The following PHLDB2 variants were observed in gnomAD, a reference collection of about 807,000 sequenced individuals.
PHLDB2 encodes the protein pleckstrin homology like domain family B member 2.
Under a neutral mutation model 123.6 loss-of-function variants are expected in PHLDB2, and 71 were observed. The observed-to-expected ratio is 0.57, with a 90% CI of 0.47 to 0.70. The LOEUF (loss-of-function observed/expected upper bound fraction) is 0.70. Among genes scored for constraint, PHLDB2 ranks in the 30% least tolerant of loss-of-function variants. The pLI, the probability that PHLDB2 is intolerant of heterozygous loss-of-function variation, is 0.00. For synonymous variants in PHLDB2, 547 were observed against 541.6 expected, an observed-to-expected ratio of 1.01 and a Z score of -0.14; for missense variants, 1,446 against 1,519.5, an observed-to-expected ratio of 0.95 and a Z score of 0.80.
chr3:111,753,347 G>A (rs1270205593), intron 1 of PHLDB2, among the ~76,000 whole-genome samples: 2 of 150,538 alleles, frequency 1.3e-5, no homozygotes, highest in Non-Finnish European at 3.0e-5. Context: ...CATTCTAACT[G>A]GTGTGAGATG....
intron 5 of PHLDB2, 53 bp from the exon 6 acceptor site, chr3:111,932,216 G>C (rs556561495): frequency 6.5e-7 from 1 of 1,534,432 alleles, no homozygotes; most frequent in South Asian, 1.2e-5. Context: ...ACTAGCACCT[G>C]CTTGGGGGTG....
intron 1 of PHLDB2, among the ~76,000 whole-genome samples, chr3:111,739,422 C>T (rs1407629585): frequency 6.6e-6 from 1 of 151,976 alleles, no homozygotes; most frequent in Non-Finnish European, 1.5e-5. Context: ...TATAAATAAA[C>T]GGAAGCCCTT....
intron 1 of PHLDB2, among the ~76,000 whole-genome samples, chr3:111,786,915 C>G (rs2060700757): frequency 6.6e-6 from 1 of 152,084 alleles, no homozygotes; most frequent in African/African-American, 2.4e-5. Flanking sequence ...GTGACTTGTC[C>G]TATTGAGAGC....
intron 1 of PHLDB2, among the ~76,000 whole-genome samples, chr3:111,744,852 G>A (rs1397182791): frequency 6.6e-6 from 1 of 152,152 alleles, no homozygotes; most frequent in Non-Finnish European, 1.5e-5. Flanking sequence ...TATACCACCT[G>A]ACACACAGTA....
chr3:111,913,303 C>G lies in PHLDB2; in HGVS notation c.1336-16C>G. ...CTCACAAACCCACTGACCTCCCCCT[C>G]CTCCCTGTGTTCCAGGAGAGACAGC... On this transcript the variant is annotated splice_polypyrimidine_tract_variant and intron_variant, in intron 2 of 17. Coordinates refer to ENST00000431670, the MANE Select transcript of PHLDB2 (RefSeq NM_001134438.2). 6.4e-7 allele frequency: 1 copy of G among 1,562,796 alleles called. No individual in the cohort carries two copies. Among genetic ancestry groups the G allele is most frequent in the Non-Finnish European group, 8.6e-7 (1 of 1,157,356 alleles).
At chr3:111,834,579 G>A (rs2063315360) in intron 1 of PHLDB2, among the ~76,000 whole-genome samples, 1 of 151,554 alleles carries the variant, frequency 6.6e-6, no homozygotes, top group African/African-American at 2.4e-5. Context: ...TCACAAACAA[G>A]GATGCAGTAA....
At chr3:111,937,088 A>C (rs2069542689) in intron 6 of PHLDB2, among the ~76,000 whole-genome samples, 1 of 152,220 alleles carries the variant, frequency 6.6e-6, no homozygotes, top group Non-Finnish European at 1.5e-5. Flanking sequence ...AAGTGTTAAG[A>C]AATGTTGAAT....
intron 1 of PHLDB2, among the ~76,000 whole-genome samples, chr3:111,809,065 C>T (rs536178874): frequency 1.3e-5 from 2 of 152,098 alleles, no homozygotes; most frequent in East Asian, 1.9e-4. Flanking sequence ...CTGCTGTCAT[C>T]GAGGAGGAAT....
At chr3:111,810,387 C>T (rs2061779251) in intron 1 of PHLDB2, among the ~76,000 whole-genome samples, 1 of 152,106 alleles carries the variant, frequency 6.6e-6, no homozygotes, top group African/African-American at 2.4e-5. Context: ...TTATTTCTCA[C>T]AATTCTGGAA....
At chr3:111,794,422 T>C (rs1249799888) in intron 1 of PHLDB2, among the ~76,000 whole-genome samples, 1 of 152,220 alleles carries the variant, frequency 6.6e-6, no homozygotes, top group African/African-American at 2.4e-5. Flanking sequence ...TCTTCTTCAG[T>C]GCCTCTTTCA....
chr3:111,932,228 GA>G (rs2069189445), intron 5 of PHLDB2, 40 bp from the exon 6 acceptor site: 1 of 1,544,638 alleles, frequency 6.5e-7, no homozygotes, highest in Non-Finnish European at 8.7e-7. Flanking sequence ...TTGGGGGTGT[GA>G]AGGTAATTTC....
rs757192748 is a variant in PHLDB2, at chr3:111,885,346, T to A, written c.1269T>A (p.Asp423Glu). ...KSSISSISGRDDLMDYHRRQR... is the reference protein window; with the variant it reads ...KSSISSISGREDLMDYHRRQR... ...GTATTAGCTCCATTTCAGGACGTGA[T>A]GACCTGATGGATTATCACCGGCGGC... The change falls in exon 2 of 18, where the codon GAT (aspartate) becomes GAA (glutamate). Residue 423 changes from aspartate to glutamate, a missense_variant. Physicochemically the swap from Asp to Glu is conservative, Grantham distance 45. Around this residue, in one of 3 missense-constraint regions of PHLDB2, gnomAD observed 832 missense variants for 831.9 expected, o/e 1.00. Coordinates refer to ENST00000431670, the MANE Select transcript of PHLDB2 (RefSeq NM_001134438.2). The A allele has an allele frequency of 6.2e-7, 1 of 1,614,170 alleles. No homozygotes were observed. The highest frequency in any genetic ancestry group is 8.5e-7 in the Non-Finnish European group (1 of 1,180,016).
chr3:111,974,400 C>A (rs1320588805), intron 17 of PHLDB2, 23 bp from the exon 18 acceptor site: 12 of 1,564,228 alleles, frequency 7.7e-6, no homozygotes, highest in Admixed American at 3.6e-5. Context: ...ATTTTACATT[C>A]TTTTTCCTTT....
At chr3:111,970,327 A>G (rs1319124095) in intron 16 of PHLDB2, among the ~76,000 whole-genome samples, 6 of 152,028 alleles carry the variant, frequency 3.9e-5, no homozygotes, top group Non-Finnish European at 7.4e-5. Flanking sequence ...CTATCATTAT[A>G]GGGTGGGATC....
chr3:111,965,514 C>T (rs2071693689), intron 13 of PHLDB2, among the ~76,000 whole-genome samples: 1 of 152,074 alleles, frequency 6.6e-6, no homozygotes, highest in Admixed American at 6.5e-5. Context: ...ACCAAGAGGT[C>T]TCTGATTCTT....
chr3:111,807,999 C>A (rs763429814), intron 1 of PHLDB2, among the ~76,000 whole-genome samples: 4 of 145,980 alleles, frequency 2.7e-5, no homozygotes, highest in Non-Finnish European at 5.9e-5. Flanking sequence ...AGTTCTCAGG[C>A]CTGGCTGCAC....
At chr3:111,749,700 T>C (rs1030200552) in intron 1 of PHLDB2, among the ~76,000 whole-genome samples, 1 of 152,236 alleles carries the variant, frequency 6.6e-6, no homozygotes, top group Admixed American at 6.5e-5. Flanking sequence ...AGTAGTACTT[T>C]TTCATTTTCC....
intron 5 of PHLDB2, among the ~76,000 whole-genome samples, chr3:111,923,638 C>T (rs1265284029): frequency 6.6e-6 from 1 of 152,072 alleles, no homozygotes; most frequent in Non-Finnish European, 1.5e-5. Flanking sequence ...CCTTGCCTTC[C>T]ACCCTCCACC....
chr3:111,866,096 G>A (rs1166443960), intron 1 of PHLDB2, among the ~76,000 whole-genome samples: 1 of 128,716 alleles, frequency 7.8e-6, no homozygotes, highest in East Asian at 2.4e-4. Context: ...CCAGCTCACT[G>A]CAACCTCGGC....
Sources: gnomAD v4.1 joint callset for allele counts (sites outside exome capture counted in the v4.1 genomes callset) on GRCh38, gnomAD v4.1.1 for gene constraint, gnomAD v4.1.1 regional missense constraint, MANE v1.5 for transcripts, NCBI Gene and HGNC (gene_info 2026-07-23, HGNC 2026-07-21) for gene names.